The following CEP95 variants were observed in gnomAD, a reference collection of about 807,000 sequenced individuals.
The protein encoded by CEP95 is centrosomal protein of 95 kDa.
CEP95 carries 98 observed loss-of-function variants against 111.2 expected under a neutral mutation model. That is an observed-to-expected ratio of 0.88 (90% CI 0.75 to 1.04). CEP95 has a LOEUF of 1.04. CEP95 is among the 50% of genes least tolerant of loss of function. The probability of loss-of-function intolerance (pLI) is 0.00; values close to 1 mark genes in which losing one functional copy is unlikely to be tolerated. For missense variants in CEP95, 1,027 were observed against 977.2 expected (o/e 1.05, Z -0.68); for synonymous variants, 323 against 327.1 (o/e 0.99, Z 0.14).
intron 1 of CEP95, chr17:64,507,805 T>C: frequency 3.0e-6 from 3 of 985,468 alleles, no homozygotes; most frequent in Non-Finnish European, 3.6e-6. Flanking sequence ...AGTGGAGATG[T>C]TTGTTTCTAA....
intron 1 of CEP95, chr17:64,508,385 T>C: frequency 3.0e-6 from 3 of 984,558 alleles, no homozygotes; most frequent in Non-Finnish European, 3.6e-6. Context: ...ATTACAGCAC[T>C]CTGGAAATCA....
chr17:64,517,103 G>A (rs1004922645), intron 5 of CEP95, among the ~76,000 whole-genome samples: 5 of 151,998 alleles, frequency 3.3e-5, no homozygotes, highest in Admixed American at 6.6e-5. Context: ...CTGGAGTGTG[G>A]TGGCATGATC....
At position 64,526,096 on chromosome 17, in the gene CEP95, T is replaced by C. The variant is rs782160701; in HGVS notation, c.1048T>C (p.Ser350Pro). 5.0e-6 allele frequency: 8 copies of C among 1,613,666 alleles called. No homozygotes were observed. The highest frequency in any genetic ancestry group is 1.1e-5 in the South Asian group (1 of 91,038). The part of the protein sequence containing the change: ...KRNENRATAS[S>P]CNSPFPQRPR... ...AAATGAAAACAGAGCTACAGCCTCA[T>C]CCTGCAATTCACCTTTCCCCCAGAG... is the stretch of plus-strand genomic sequence containing the variant. Residue 350 changes from serine to proline, a missense_variant, in exon 10 of 20, where the codon TCC (serine) becomes CCC (proline). Physicochemically the swap from Ser to Pro is moderately conservative, Grantham distance 74 (BLOSUM62 -1). Coordinates refer to ENST00000556440, the MANE Select transcript of CEP95 (RefSeq NM_138363.3).
At position 64,537,669 on chromosome 17, in the gene CEP95, A is replaced by C; in HGVS notation, c.2356A>C (p.Met786Leu). 1 of 1,613,428 alleles carries C rather than the reference A, an allele frequency of 6.2e-7. No homozygotes were observed. The highest frequency in any genetic ancestry group is 8.5e-7 in the Non-Finnish European group (1 of 1,179,562). Reference sequence around the variant, plus strand: ...GAAGGAAATTCAGCAGCTGCAGGACATGATAACACAGAATGATGATGATGT... The same window carrying C: ...GAAGGAAATTCAGCAGCTGCAGGACCTGATAACACAGAATGATGATGATGT... ...MEKEIQQLQD[M>L]ITQNDDDVFF... The change falls in exon 20 of 20, where the codon ATG (methionine) becomes CTG (leucine). Residue 786 changes from methionine (M) to leucine (L), a missense_variant. Transcript: ENST00000556440.
chr17:64,537,853 C>CAGTCT lies in CEP95; in HGVS notation c.*76_*80dup, dbSNP rs1598259657. The CAGTCT allele has an allele frequency of 5.3e-6, 4 of 749,694 alleles. No individual in the cohort carries two copies. The East Asian group carries it at 1.3e-4, about 24-fold the overall frequency. The allele number at this position is 749,694 out of a possible 1,614,324, so 46.4% of individuals were successfully genotyped here. On this transcript the variant is annotated 3_prime_UTR_variant, in exon 20 of 20. Transcript: ENST00000556440. Reference sequence around the variant, plus strand: ...ACAGAGCTAGAATCGAGCCAGTAAACAGTCTAAGCCAGAAAAATAATTTTC... The same window carrying CAGTCT: ...ACAGAGCTAGAATCGAGCCAGTAAACAGTCTAGTCTAAGCCAGAAAAATAATTTTC...
At chr17:64,506,917 C>T (rs1000677464), upstream of CEP95, 7 of 720,250 alleles carry the variant, frequency 9.7e-6, no homozygotes, top group Admixed American at 1.5e-4. Context: ...AGGAAGTGCT[C>T]CTCTGATGAC....
intron 17 of CEP95, 65 bp from the exon 18 acceptor site, chr17:64,536,537 A>T: frequency 3.4e-6 from 4 of 1,175,026 alleles, no homozygotes; most frequent in Non-Finnish European, 4.9e-6. Context: ...TACAATCAGT[A>T]TATACCTCTA....
chr17:64,537,080 G>GAACTT lies in CEP95; in HGVS notation c.2260_2264dup (p.Lys755AsnfsTer16). On this transcript the variant is annotated frameshift_variant, in exon 19 of 20. Transcript: ENST00000556440. LOFTEE classifies it high-confidence loss of function. ...AGAAGCCATATCACAGGAACATCAA[G>GAACTT]AACTTAAAGCCAGAGAGAAATCTCA... 1.2e-6 allele frequency: 2 copies of GAACTT among 1,613,088 alleles called. No individual in the cohort carries two copies. The highest frequency in any genetic ancestry group is 1.7e-6 in the Non-Finnish European group (2 of 1,179,526).
chr17:64,507,544 G>C (rs1298790590), intron 1 of CEP95: 6 of 1,077,002 alleles, frequency 5.6e-6, no homozygotes, highest in Admixed American at 4.9e-5. Context: ...CAGAATAGTA[G>C]AATATGCCCC....
In CEP95 at chr17:64,532,937, A is replaced by AT; in HGVS notation, c.1773dup (p.Ala592CysfsTer4). The AT allele has an allele frequency of 6.2e-7, 1 of 1,613,992 alleles. No homozygotes were observed. Among genetic ancestry groups the AT allele is most frequent in the Non-Finnish European group, 8.5e-7 (1 of 1,179,876 alleles). On this transcript the variant is annotated frameshift_variant, in exon 15 of 20. Coordinates refer to ENST00000556440, the MANE Select transcript of CEP95 (RefSeq NM_138363.3). LOFTEE classifies it high-confidence loss of function. ...ACTAAGCAAAATGTGGAAACAGCAA[A>AT]TTGCACAGGTTGAACAGCTTAAGAA...
At chr17:64,534,311 A>G in intron 16 of CEP95, 1 of 336,962 alleles carries the variant, frequency 3.0e-6, no homozygotes, top group South Asian at 4.7e-5. Context: ...CAGCCTTGTT[A>G]GCAGCTTCCT....
intron 3 of CEP95, among the ~76,000 whole-genome samples, chr17:64,511,065 C>T (rs986753280): frequency 2.0e-5 from 3 of 152,056 alleles, no homozygotes; most frequent in South Asian, 2.1e-4. Flanking sequence ...AGGGAGTATA[C>T]GAATAGGTTG....
chr17:64,531,863 T>G, intron 13 of CEP95, 27 bp from the exon 14 acceptor site: 1 of 1,479,376 alleles, frequency 6.8e-7, no homozygotes, highest in Non-Finnish European at 9.0e-7. Context: ...CCTTTTATTT[T>G]TATTCTGTTT....
chr17:64,521,755 T>G (rs1177664789), intron 7 of CEP95, among the ~76,000 whole-genome samples: 1 of 152,148 alleles, frequency 6.6e-6, no homozygotes, highest in Non-Finnish European at 1.5e-5. Flanking sequence ...TCTCACCACT[T>G]ACCTTTTTTT....
chr17:64,507,882 T>A, intron 1 of CEP95: 2 of 985,474 alleles, frequency 2.0e-6, no homozygotes, highest in Non-Finnish European at 2.4e-6. Flanking sequence ...TAAGCTAAGT[T>A]ACTTTTGGTA....
chr17:64,514,482 G>A (rs1377333143), intron 4 of CEP95, 124 bp downstream of exon 4: 7 of 532,580 alleles, frequency 1.3e-5, no homozygotes, highest in African/African-American at 7.7e-5. Context: ...CCTGATAACC[G>A]TAGTTGTAAA....
At chr17:64,532,135 T>G (rs1968324489) in intron 14 of CEP95, 113 bp downstream of exon 14, 21 of 1,318,918 alleles carry the variant, frequency 1.6e-5, no homozygotes, top group South Asian at 1.5e-4. Context: ...CGAAGAAAGT[T>G]TTTTTTTTTT....
In CEP95 at chr17:64,519,426, A is replaced by AT. The variant is rs782164211; in HGVS notation, c.579_580insT (p.Arg194Ter). ...GAGACACAGCACACACCTTTTCTCT[A>AT]AGAAGTAATGGTGAGTAGTTAAACC... On this transcript the variant is annotated frameshift_variant, in exon 6 of 20. Transcript: ENST00000556440. LOFTEE classifies it high-confidence loss of function. 3 of 1,609,448 alleles carry AT rather than the reference A, an allele frequency of 1.9e-6. No homozygotes were observed. The highest frequency in any genetic ancestry group is 1.7e-5 in the Admixed American group (1 of 59,972).
chr17:64,515,848 A>G (rs1555676192), intron 4 of CEP95: 1 of 152,174 alleles, frequency 6.6e-6, no homozygotes, highest in African/African-American at 2.4e-5. Flanking sequence ...GGCAGCTTCA[A>G]CCTGGGACCT....
Sources: gnomAD v4.1 joint callset for allele counts (sites outside exome capture counted in the v4.1 genomes callset) on GRCh38, gnomAD v4.1.1 for gene constraint, MANE v1.5 for transcripts, NCBI Gene and HGNC (gene_info 2026-07-23, HGNC 2026-07-21) for gene names.